The following SPOCK1 variants were observed in gnomAD, a reference collection of about 807,000 sequenced individuals.
The protein encoded by SPOCK1 is SPARC (osteonectin), cwcv and kazal like domains proteoglycan 1, also known as testican-1.
Under a neutral mutation model 55.3 loss-of-function variants are expected in SPOCK1, and 23 were observed. That is an observed-to-expected ratio of 0.42 (90% CI 0.30 to 0.59). The LOEUF is 0.59. Among genes scored for constraint, SPOCK1 ranks in the 20% least tolerant of loss-of-function variants. The pLI, the probability that SPOCK1 is intolerant of heterozygous loss-of-function variation, is 0.22. For missense variants in SPOCK1, 499 were observed against 552.5 expected, an observed-to-expected ratio of 0.90 and a Z score of 0.97; for synonymous variants, 226 against 221.0, an observed-to-expected ratio of 1.02 and a Z score of -0.20.
At chr5:137,395,658 A>G (rs1198203557) in intron 2 of SPOCK1, among the ~76,000 whole-genome samples, 1 of 152,234 alleles carries the variant, frequency 6.6e-6, no homozygotes, top group Non-Finnish European at 1.5e-5. Context: ...AGGAGAAGGC[A>G]GGGCTATGGT....
intron 6 of SPOCK1, among the ~76,000 whole-genome samples, chr5:137,043,023 G>A (rs1046239419): frequency 6.6e-6 from 1 of 152,090 alleles, no homozygotes; most frequent in African/African-American, 2.4e-5. Context: ...GTCTGTTTGT[G>A]GAAGTTGCTG....
chr5:137,337,810 C>G, intron 2 of SPOCK1, among the ~76,000 whole-genome samples: 1 of 152,198 alleles, frequency 6.6e-6, no homozygotes, highest in Non-Finnish European at 1.5e-5. Context: ...ATTGAAGAAG[C>G]ATTCATAAAC....
chr5:137,400,820 G>T (rs1274982077), intron 2 of SPOCK1, among the ~76,000 whole-genome samples: 2 of 152,196 alleles, frequency 1.3e-5, no homozygotes, highest in Non-Finnish European at 2.9e-5. Context: ...AGAACAGCTG[G>T]CAAGGAGGGA....
chr5:136,979,635 C>T, intron 9 of SPOCK1, 166 bp from the exon 10 acceptor site: 1 of 746,858 alleles, frequency 1.3e-6, no homozygotes, highest in Non-Finnish European at 2.1e-6. Context: ...GGGCCCTTAA[C>T]CTTTAGAGGC....
At chr5:137,083,118 G>A (rs555784445) in intron 5 of SPOCK1, among the ~76,000 whole-genome samples, 44 of 152,290 alleles carry the variant, frequency 2.9e-4, no homozygotes, top group Non-Finnish European at 4.0e-4. Flanking sequence ...GTGTGCTCCC[G>A]TTTTGGGGAA....
intron 2 of SPOCK1, among the ~76,000 whole-genome samples, chr5:137,315,461 A>G (rs1490444140): frequency 1.3e-5 from 2 of 152,080 alleles, no homozygotes; most frequent in Admixed American, 1.3e-4. Context: ...CCCCCCCACC[A>G]TCTCCACTTT....
At chr5:137,368,081 A>G (rs1408015231) in intron 2 of SPOCK1, among the ~76,000 whole-genome samples, 1 of 152,198 alleles carries the variant, frequency 6.6e-6, no homozygotes, top group African/African-American at 2.4e-5. Flanking sequence ...CTGATCCTAG[A>G]AGACACACTC....
At chr5:137,243,893 C>CA (rs1355314451) in intron 3 of SPOCK1, among the ~76,000 whole-genome samples, 2 of 152,066 alleles carry the variant, frequency 1.3e-5, no homozygotes, top group Non-Finnish European at 2.9e-5. Flanking sequence ...ACAGCACTAG[C>CA]AGGGAGAGTC....
chr5:137,358,306 C>G (rs1246545057), intron 2 of SPOCK1, among the ~76,000 whole-genome samples: 1 of 151,816 alleles, frequency 6.6e-6, no homozygotes. Context: ...TGCCCAACTC[C>G]CAGAAGAGGA....
intron 2 of SPOCK1, among the ~76,000 whole-genome samples, chr5:137,490,626 T>C (rs1036325387): frequency 6.6e-6 from 1 of 152,114 alleles, no homozygotes; most frequent in Non-Finnish European, 1.5e-5. Flanking sequence ...AGCTTAACAT[T>C]AAAGTGACAC....
intron 3 of SPOCK1, among the ~76,000 whole-genome samples, chr5:137,237,101 T>C (rs1175325736): frequency 5.3e-5 from 8 of 152,218 alleles, no homozygotes; most frequent in Non-Finnish European, 1.2e-4. Context: ...GCGATGCCAA[T>C]GGAATGAATT....
At chr5:137,165,939 A>T (rs920930445) in intron 3 of SPOCK1, among the ~76,000 whole-genome samples, 46 of 152,192 alleles carry the variant, frequency 3.0e-4, no homozygotes, top group African/African-American at 1.1e-3. Context: ...GAAAGGGCAC[A>T]TCTAAGAGTT....
At chr5:136,991,951 T>C (rs1367194884) in intron 7 of SPOCK1, among the ~76,000 whole-genome samples, 1 of 152,184 alleles carries the variant, frequency 6.6e-6, no homozygotes, top group African/African-American at 2.4e-5. Context: ...TGGAAGACAA[T>C]ATGCAGTCTG....
chr5:137,053,754 C>T (rs554800085), intron 6 of SPOCK1, among the ~76,000 whole-genome samples: 3 of 152,260 alleles, frequency 2.0e-5, no homozygotes, highest in African/African-American at 7.2e-5. Context: ...AAACACAGCA[C>T]AAGCTCTGCC....
chr5:137,231,672 C>T (rs910538968), intron 3 of SPOCK1, among the ~76,000 whole-genome samples: 7 of 152,206 alleles, frequency 4.6e-5, no homozygotes, highest in African/African-American at 1.7e-4. Flanking sequence ...CAGATTGTAG[C>T]TATTGTAAAT....
At chr5:137,449,198 T>C (rs546096731) in intron 2 of SPOCK1, among the ~76,000 whole-genome samples, 16 of 152,342 alleles carry the variant, frequency 1.1e-4, no homozygotes, top group Admixed American at 9.8e-4. Context: ...TCTTCTCAAC[T>C]GACCCAAGGG....
intron 6 of SPOCK1, among the ~76,000 whole-genome samples, chr5:137,005,092 C>A (rs1751220960): frequency 6.6e-6 from 1 of 152,094 alleles, no homozygotes; most frequent in Non-Finnish European, 1.5e-5. Context: ...ACAGAGTGAG[C>A]ACAGCTGATA....
intron 9 of SPOCK1, among the ~76,000 whole-genome samples, chr5:136,981,649 G>GGTAA (rs1750733312): frequency 6.6e-6 from 1 of 152,168 alleles, no homozygotes; most frequent in Admixed American, 6.5e-5. Flanking sequence ...TGTTGTGGCC[G>GGTAA]GTAAGTTTGA....
At chr5:137,027,675 C>T (rs1338516013) in intron 6 of SPOCK1, among the ~76,000 whole-genome samples, 1 of 152,144 alleles carries the variant, frequency 6.6e-6, no homozygotes, top group Admixed American at 6.5e-5. Flanking sequence ...GGTGTTTTAA[C>T]AGAGTAGGTC....
Sources: allele counts gnomAD v4.1 joint callset (sites outside exome capture counted in the v4.1 genomes callset), GRCh38; gene constraint gnomAD v4.1.1; transcripts MANE v1.5; gene names NCBI Gene and HGNC (gene_info 2026-07-23, HGNC 2026-07-21).